ZFC3H1: variants seen among roughly 807,000 people sequenced by gnomAD.
ZFC3H1 encodes the protein zinc finger C3H1-type containing, also known as zinc finger C3H1 domain-containing protein.
In ZFC3H1, 71 loss-of-function variants were observed where a neutral mutation model predicts 243.7. The ratio of observed to expected loss-of-function variants is 0.29; its 90% CI spans 0.24 to 0.36. ZFC3H1 has a LOEUF of 0.36. Ranked by LOEUF, ZFC3H1 falls within the 10% of genes least tolerant of loss-of-function variation. The probability of loss-of-function intolerance (pLI) is 1.00; values close to 1 mark genes in which losing one functional copy is unlikely to be tolerated. For synonymous variants in ZFC3H1, 838 were observed against 813.0 expected (o/e 1.03, Z -0.52); for missense variants, 1,966 against 2,317.1 (o/e 0.85, Z 3.11).
rs753976280 is a variant in ZFC3H1 at position 71,626,324 on chromosome 12, T to A, written c.4253A>T (p.Asp1418Val). The part of the protein sequence containing the change: ...LRLFSKRGTK[D>V]EVQEMCETAV... ...TGTTTCACACATTTCCTGCACCTCGTCCTTGGTTCCTCTTTTTGAGAACAA... is the reference window on the plus strand; with the variant it reads ...TGTTTCACACATTTCCTGCACCTCGACCTTGGTTCCTCTTTTTGAGAACAA... Residue 1418 changes from aspartate (D) to valine (V), a missense_variant, in exon 22 of 35, where the codon GAC (aspartate) becomes GTC (valine). Transcript: ENST00000378743. 1 of 1,614,054 alleles carries A rather than the reference T, an allele frequency of 6.2e-7. No homozygotes were observed. The highest frequency in any genetic ancestry group is 1.1e-5 in the South Asian group (1 of 91,074).
In ZFC3H1 at chr12:71,663,258, C is replaced by A. The variant is rs1387711753; in HGVS notation, c.353G>T (p.Arg118Leu). Reference sequence around the variant, plus strand: ...TTCGGACAGTGAGCTCGAAGGCATCCGTACAGAAGGCGGATGAGACCGGAA... The same window carrying A: ...TTCGGACAGTGAGCTCGAAGGCATCAGTACAGAAGGCGGATGAGACCGGAA... Reference protein sequence around the residue: ...EPFRSHPPSVRMPSSSLSESS... With the variant: ...EPFRSHPPSVLMPSSSLSESS... The change falls in exon 1 of 35, where the codon CGG becomes CTG. Residue 118 changes from arginine to leucine, a missense_variant. Arg to Leu is a moderately radical substitution (Grantham distance 102, BLOSUM62 -2). Transcript: ENST00000378743. The A allele has an allele frequency of 6.2e-7, 1 of 1,613,746 alleles. No homozygotes were observed. Among genetic ancestry groups the A allele is most frequent in the South Asian group, 1.1e-5 (1 of 91,084 alleles).
intron 27 of ZFC3H1, among the ~76,000 whole-genome samples, chr12:71,617,986 C>T (rs180811480): frequency 1.1e-4 from 16 of 152,138 alleles, no homozygotes; most frequent in East Asian, 9.7e-4. Context: ...TAGGGTGGAC[C>T]GGGCGCAGTG....
Position 71,628,935 on chromosome 12 carries a change from G to A in ZFC3H1, c.3929C>T (p.Thr1310Ile). 2 of 1,608,470 alleles carry A rather than the reference G, an allele frequency of 1.2e-6. No homozygotes were observed. Among genetic ancestry groups the A allele is most frequent in the Admixed American group, 1.7e-5 (1 of 58,790 alleles). Reference protein sequence around the residue: ...NSFSSDEEQSTGPIKYAFQPE... With the variant: ...NSFSSDEEQSIGPIKYAFQPE... ...CTTCTTACCATACTTAATTGGTCCT[G>A]TAGACTGTTCCTCATCACTACTGAA... The change falls in exon 20 of 35, where the codon ACA becomes ATA. Residue 1310 changes from threonine (T) to isoleucine (I), a missense_variant. Coordinates refer to ENST00000378743, the MANE Select transcript of ZFC3H1 (RefSeq NM_144982.5).
At chr12:71,618,521 T>TAC (rs1879945746) in intron 27 of ZFC3H1, among the ~76,000 whole-genome samples, 1 of 152,246 alleles carries the variant, frequency 6.6e-6, no homozygotes, top group South Asian at 2.1e-4. Flanking sequence ...ATGCCTATTT[T>TAC]TGTAAACAGT....
In ZFC3H1 at chr12:71,636,521, C is replaced by T; in HGVS notation, c.2069G>A (p.Arg690Lys). ...CACAGTTCGTGGAAGACGGGGTCCT[C>T]TGTGAAACTTTGGATTCTGTATCCT... ...QPRIQNPKFH[R>K]GPRLPRTVIS... is the part of the protein sequence containing the mutation. Residue 690 changes from arginine to lysine, a missense_variant, in exon 9 of 35, where the codon AGA becomes AAA. Transcript: ENST00000378743. 3.7e-6 allele frequency: 6 copies of T among 1,608,750 alleles called. No homozygotes were observed. Among genetic ancestry groups the T allele is most frequent in the Non-Finnish European group, 5.1e-6 (6 of 1,177,948 alleles).
chr12:71,620,163 A>G, intron 25 of ZFC3H1, 39 bp from the exon 26 acceptor site: 1 of 1,611,578 alleles, frequency 6.2e-7, no homozygotes, highest in Non-Finnish European at 8.5e-7. Context: ...AGACATGAAA[A>G]GATCACTTTT....
chr12:71,647,830 T>C lies in ZFC3H1; in HGVS notation c.1016-17A>G, dbSNP rs1224074985. 20 of 1,063,514 alleles carry C rather than the reference T, an allele frequency of 1.9e-5. No individual in the cohort carries two copies. The highest frequency in any genetic ancestry group is 2.7e-5 in the Non-Finnish European group (20 of 732,438). 65.9% of individuals were successfully genotyped at this position (1,063,514 alleles called of 1,614,324 possible). On this transcript the variant is annotated splice_polypyrimidine_tract_variant and intron_variant, in intron 2 of 34. Transcript: ENST00000378743. ...CTTGTAATCCTTTAAAATAAAATAA[T>C]ATCTTTTGAATAATCCAAAAGATAG...
In ZFC3H1 at chr12:71,610,514, G is replaced by T; in HGVS notation, c.5884C>A (p.Leu1962Ile). 1 of 1,613,588 alleles carries T rather than the reference G, an allele frequency of 6.2e-7. No individual in the cohort carries two copies. The highest frequency in any genetic ancestry group is 8.5e-7 in the Non-Finnish European group (1 of 1,179,650). Reference sequence around the variant, plus strand: ...CCAATCTCTTGGCACTTGGAAACTAGTTTTCTCAGGTTATCAGTTTTACCT... The same window carrying T: ...CCAATCTCTTGGCACTTGGAAACTATTTTTCTCAGGTTATCAGTTTTACCT... ...EGGKTDNLRK[L>I]VSKCQEIGVS... The change falls in exon 35 of 35, where the codon CTA becomes ATA. Residue 1962 changes from leucine (L) to isoleucine (I), a missense_variant. Leu to Ile is a conservative substitution (Grantham distance 5). Around this residue, in one of 4 missense-constraint regions of ZFC3H1, gnomAD observed 1,383 missense variants for 1,723.7 expected, o/e 0.80. Transcript: ENST00000378743.
At chr12:71,628,143 T>C (rs1189369384) in intron 20 of ZFC3H1, among the ~76,000 whole-genome samples, 3 of 152,138 alleles carry the variant, frequency 2.0e-5, no homozygotes, top group African/African-American at 7.2e-5. Context: ...TACTAAAAAT[T>C]ACACCAGAAC....
intron 23 of ZFC3H1, 148 bp from the exon 24 acceptor site, chr12:71,623,745 A>C (rs1208945254): frequency 6.3e-6 from 4 of 631,818 alleles, no homozygotes; most frequent in Non-Finnish European, 1.0e-5. Context: ...AAATCTAATA[A>C]GACAAAGACA....
chr12:71,624,220 C>T lies in ZFC3H1; in HGVS notation c.4390G>A (p.Ala1464Thr). Residue 1464 changes from alanine to threonine, a missense_variant, in exon 23 of 35, where the codon GCA (alanine) becomes ACA (threonine). This residue lies in a region of ZFC3H1 where 1,383 missense variants were observed against 1,723.7 expected (regional missense o/e 0.80). Transcript: ENST00000378743. ...CERMLEFLMGAAKQETSNILS... is the reference protein window; with the variant it reads ...CERMLEFLMGTAKQETSNILS... ...ATATTGGATGTTTCCTGCTTGGCTG[C>T]TCCCATCAGAAACTCCAACATTCTC... is the stretch of plus-strand genomic sequence containing the variant. 6.2e-7 allele frequency: 1 copy of T among 1,614,072 alleles called. No individual in the cohort carries two copies. The highest frequency in any genetic ancestry group is 8.5e-7 in the Non-Finnish European group (1 of 1,179,988).
At chr12:71,635,306 G>T in intron 10 of ZFC3H1, 137 bp downstream of exon 10, 1 of 1,139,756 alleles carries the variant, frequency 8.8e-7, no homozygotes, top group Non-Finnish European at 1.2e-6. Context: ...AGTCCTAATA[G>T]CACAAATACT....
chr12:71,641,796 T>C (rs1880608264), intron 6 of ZFC3H1, among the ~76,000 whole-genome samples: 1 of 152,192 alleles, frequency 6.6e-6, no homozygotes. Flanking sequence ...GTATCTTGGA[T>C]ATAAAGATCA....
chr12:71,635,674 G>T, intron 9 of ZFC3H1, 94 bp from the exon 10 acceptor site: 1 of 1,271,420 alleles, frequency 7.9e-7, no homozygotes, highest in East Asian at 2.7e-5. Context: ...GCTCCAAGTA[G>T]ACAGTCTATG....
In ZFC3H1 at chr12:71,636,892, T is replaced by A; in HGVS notation, c.1893A>T (p.Glu631Asp). 6.2e-7 allele frequency: 1 copy of A among 1,614,008 alleles called. No homozygotes were observed. Among genetic ancestry groups the A allele is most frequent in the Non-Finnish European group, 8.5e-7 (1 of 1,179,954 alleles). ...EEEEEMLLREELLKSLANKRA... is the reference protein window; with the variant it reads ...EEEEEMLLREDLLKSLANKRA... ...TTTTATTTGCTAGAGATTTAAGTAG[T>A]TCTTCTCGAAGCAGCATTTCTTCCT... Residue 631 changes from glutamate to aspartate, a missense_variant, in exon 8 of 35, where the codon GAA becomes GAT. Coordinates refer to ENST00000378743, the MANE Select transcript of ZFC3H1 (RefSeq NM_144982.5).
At chr12:71,628,214 T>C (rs1007588458) in intron 20 of ZFC3H1, among the ~76,000 whole-genome samples, 3 of 152,232 alleles carry the variant, frequency 2.0e-5, no homozygotes, top group African/African-American at 7.2e-5. Flanking sequence ...TTCAGTCCAC[T>C]TAACAGTAAC....
intron 2 of ZFC3H1, among the ~76,000 whole-genome samples, chr12:71,654,422 C>T (rs1197571718): frequency 6.6e-6 from 1 of 152,152 alleles, no homozygotes; most frequent in Non-Finnish European, 1.5e-5. Flanking sequence ...GCCTGGGCAA[C>T]ACAGTGAGAT....
chr12:71,627,817 A>C lies in ZFC3H1; in HGVS notation c.4064T>G (p.Leu1355Arg). 1 of 1,613,916 alleles carries C rather than the reference A, an allele frequency of 6.2e-7. No homozygotes were observed. Among genetic ancestry groups the C allele is most frequent in the Non-Finnish European group, 8.5e-7 (1 of 1,179,904 alleles). The change falls in exon 21 of 35, where the codon CTT becomes CGT. Residue 1355 changes from leucine to arginine, a missense_variant. This residue lies in a region of ZFC3H1 where 1,383 missense variants were observed against 1,723.7 expected (regional missense o/e 0.80). Transcript: ENST00000378743. ...DDIANLEASV[L>R]ENPSHVQLWL... ...AAGTTGTACATGAGAAGGATTTTCA[A>C]GCACACTTGCTTCTAAATTAGCGAT...
At chr12:71,660,949 C>CA (rs564941085) in intron 1 of ZFC3H1, among the ~76,000 whole-genome samples, 10 of 149,880 alleles carry the variant, frequency 6.7e-5, no homozygotes, top group Non-Finnish European at 1.3e-4. Context: ...TTCGTCTCCC[C>CA]AAAAAAAAAT....
Sources: allele counts gnomAD v4.1 joint callset (sites outside exome capture counted in the v4.1 genomes callset), GRCh38; gene constraint gnomAD v4.1.1; regional missense constraint gnomAD v4.1.1; transcripts MANE v1.5; gene names NCBI Gene and HGNC (gene_info 2026-07-23, HGNC 2026-07-21).